The following MAF variants were observed in gnomAD, a reference collection of about 807,000 sequenced individuals.
The protein encoded by MAF is MAF bZIP transcription factor.
A neutral mutation model predicts 22.0 loss-of-function variants in MAF; 10 were observed. The ratio of observed to expected loss-of-function variants is 0.45; its 90% confidence interval spans 0.28 to 0.77. The LOEUF (loss-of-function observed/expected upper bound fraction) is 0.77. Among genes scored for constraint, MAF ranks in the 30% least tolerant of loss-of-function variants. The pLI, the probability that MAF is intolerant of heterozygous loss-of-function variation, is 0.12. For missense variants in MAF, 544 were observed against 548.4 expected, an observed-to-expected ratio of 0.99 and a Z score of 0.08; for synonymous variants, 337 against 255.8, an observed-to-expected ratio of 1.32 and a Z score of -3.03.
At chr16:79,380,338 G>C in the MAF span, among the ~76,000 whole-genome samples, 718 of 152,238 alleles carry the variant, frequency 4.7e-3, 41 homozygotes, top group East Asian at 0.11. Flanking sequence ...GAATATTTAG[G>C]GGTATGATGA....
At chr16:79,511,130 A>G in the MAF span, among the ~76,000 whole-genome samples, 1 of 152,114 alleles carries the variant, frequency 6.6e-6, no homozygotes, top group Admixed American at 6.5e-5. Flanking sequence ...TCTCTGCCTT[A>G]CTTCTGTGTC....
the MAF span, among the ~76,000 whole-genome samples, chr16:79,554,366 C>T: frequency 2.0e-5 from 3 of 152,026 alleles, no homozygotes; most frequent in South Asian, 6.2e-4. Context: ...TCCTAATCTC[C>T]CAGATCCTCA....
downstream of MAF, among the ~76,000 whole-genome samples, chr16:79,593,180 G>GT (rs1913284865): frequency 6.6e-6 from 1 of 152,218 alleles, no homozygotes; most frequent in Non-Finnish European, 1.5e-5. Flanking sequence ...CTGGAGGAGT[G>GT]TATTTCGTAA....
chr16:79,209,705 G>C, the MAF span, among the ~76,000 whole-genome samples: 4 of 152,138 alleles, frequency 2.6e-5, no homozygotes, highest in Non-Finnish European at 5.9e-5. Flanking sequence ...AATAATACTT[G>C]GCTTGAGTTA....
chr16:79,469,463 C>T, the MAF span, among the ~76,000 whole-genome samples: 1 of 152,086 alleles, frequency 6.6e-6, no homozygotes, highest in Non-Finnish European at 1.5e-5. Context: ...ATTTCCTCCT[C>T]TATAAGTAGA....
In MAF at chr16:79,599,705, C is replaced by G. The variant is rs764199478; in HGVS notation, c.198G>C (p.Ser66=). 4.0e-5 allele frequency: 64 copies of G among 1,612,396 alleles called. No homozygotes were observed. The highest frequency in any genetic ancestry group is 4.9e-5 in the Non-Finnish European group (58 of 1,179,770). ...CCGAGAAGCTGGGGGAAGGGGGCAC[C>G]GAGCTGCACGGCGTGCTCATGGGGG... is the stretch of plus-strand genomic sequence containing the variant. ...SSTPMSTPCS[S]VPPSPSFSAP... Residue 66 remains serine (S), a synonymous_variant, in exon 1 of 2, where the codon TCG becomes TCC. Transcript: ENST00000326043.
chr16:79,349,625 G>C, the MAF span, among the ~76,000 whole-genome samples: 5 of 152,216 alleles, frequency 3.3e-5, no homozygotes, highest in African/African-American at 4.8e-5. Context: ...GATAGCTGCT[G>C]TCTGTGCAGG....
the MAF span, among the ~76,000 whole-genome samples, chr16:79,500,689 C>T: frequency 3.9e-5 from 6 of 152,052 alleles, no homozygotes; most frequent in African/African-American, 9.7e-5. Flanking sequence ...TTCTAGGACT[C>T]GTCTCTGGGA....
chr16:79,338,502 C>T, the MAF span, among the ~76,000 whole-genome samples: 1 of 152,168 alleles, frequency 6.6e-6, no homozygotes, highest in South Asian at 2.1e-4. Flanking sequence ...AGGCAAATCT[C>T]GCGGTTAAAG....
the MAF span, among the ~76,000 whole-genome samples, chr16:79,426,019 A>T: frequency 0.018 from 2,815 of 152,276 alleles, 79 homozygotes; most frequent in African/African-American, 0.064. Context: ...ATCCTGGCTA[A>T]CACAGTGAAA....
At chr16:79,253,730 G>C in the MAF span, among the ~76,000 whole-genome samples, 7 of 152,096 alleles carry the variant, frequency 4.6e-5, no homozygotes, top group Non-Finnish European at 8.8e-5. Flanking sequence ...TTCTTGGGGG[G>C]ACATTTCGAG....
chr16:79,568,756 G>A, the MAF span, among the ~76,000 whole-genome samples: 5 of 152,182 alleles, frequency 3.3e-5, no homozygotes, highest in East Asian at 1.9e-4. Context: ...GAAGTAGTAA[G>A]TGAGCATCTT....
At chr16:79,312,016 C>A in the MAF span, among the ~76,000 whole-genome samples, 166 of 152,240 alleles carry the variant, frequency 1.1e-3, no homozygotes, top group African/African-American at 3.6e-3. Context: ...GCTGCTTGAC[C>A]TTGAGTAGCT....
At chr16:79,321,460 G>C in the MAF span, among the ~76,000 whole-genome samples, 1 of 152,146 alleles carries the variant, frequency 6.6e-6, no homozygotes, top group Non-Finnish European at 1.5e-5. Flanking sequence ...ATGGAGGCTA[G>C]AGAGGAGAGG....
chr16:79,357,345 G>C, the MAF span, among the ~76,000 whole-genome samples: 2 of 152,218 alleles, frequency 1.3e-5, no homozygotes, highest in Admixed American at 1.3e-4. Flanking sequence ...AGCTACTCGG[G>C]AGGCTGAGGC....
At chr16:79,542,926 G>C in the MAF span, among the ~76,000 whole-genome samples, 38 of 152,164 alleles carry the variant, frequency 2.5e-4, no homozygotes, top group Non-Finnish European at 5.1e-4. Flanking sequence ...ACCTATAATA[G>C]TAAAGAAATT....
the MAF span, among the ~76,000 whole-genome samples, chr16:79,282,414 T>C: frequency 6.6e-6 from 1 of 152,150 alleles, no homozygotes; most frequent in Non-Finnish European, 1.5e-5. Context: ...GTAGCATCAG[T>C]GATGTGGGCA....
the MAF span, among the ~76,000 whole-genome samples, chr16:79,367,493 T>C: frequency 4.6e-5 from 7 of 152,230 alleles, no homozygotes; most frequent in Admixed American, 1.3e-4. Context: ...ATGACCCTTA[T>C]AGCTTAGTCC....
At chr16:79,271,468 G>C in the MAF span, among the ~76,000 whole-genome samples, 56 of 152,290 alleles carry the variant, frequency 3.7e-4, no homozygotes, top group Non-Finnish European at 7.2e-4. Context: ...AATTCGTGTA[G>C]CTGCAAAATA....
Sources: allele counts gnomAD v4.1 joint callset (sites outside exome capture counted in the v4.1 genomes callset), GRCh38; gene constraint gnomAD v4.1.1; transcripts MANE v1.5; gene names NCBI Gene and HGNC (gene_info 2026-07-23, HGNC 2026-07-21).